GRM8: variants seen among roughly 807,000 people sequenced by gnomAD.
GRM8 encodes the protein glutamate metabotropic receptor 8.
In GRM8, 47 loss-of-function variants were observed where a neutral mutation model predicts 87.2. That is an observed-to-expected ratio of 0.54 (90% CI 0.43 to 0.69). GRM8 has a LOEUF of 0.69. Among genes scored for constraint, GRM8 ranks in the 30% least tolerant of loss-of-function variants. The pLI is 0.00. For synonymous variants in GRM8, 396 were observed against 404.5 expected (o/e 0.98, Z 0.25); for missense variants, 1,019 against 1,139.2 (o/e 0.89, Z 1.52).
intron 3 of GRM8, among the ~76,000 whole-genome samples, chr7:126,908,439 A>G (rs2535939): frequency 6.6e-6 from 1 of 151,916 alleles, no homozygotes; most frequent in African/African-American, 2.4e-5. Context: ...GTAACACTCT[A>G]TAGGGAACAA....
intron 7 of GRM8, among the ~76,000 whole-genome samples, chr7:126,697,411 T>C (rs28571152): frequency 6.6e-6 from 1 of 152,008 alleles, no homozygotes; most frequent in Non-Finnish European, 1.5e-5. Flanking sequence ...CACCAAAAAA[T>C]AAAAAAGAAG....
intron 2 of GRM8, among the ~76,000 whole-genome samples, chr7:127,160,287 G>T (rs534435400): frequency 6.6e-6 from 1 of 152,060 alleles, no homozygotes; most frequent in African/African-American, 2.4e-5. Flanking sequence ...ACCTGCCAAC[G>T]GGACTTGCAG....
chr7:127,080,464 A>G (rs1894731), intron 3 of GRM8, among the ~76,000 whole-genome samples: 43,280 of 152,078 alleles, frequency 0.28, 6,813 homozygotes, highest in African/African-American at 0.42. Context: ...CACATCCCCC[A>G]TCCCCAAGAA....
intron 7 of GRM8, among the ~76,000 whole-genome samples, chr7:126,760,900 T>C (rs990111844): frequency 2.0e-5 from 3 of 152,096 alleles, no homozygotes; most frequent in African/African-American, 7.2e-5. Flanking sequence ...ATTTTCTACT[T>C]ATAAAAGTAG....
intron 7 of GRM8, among the ~76,000 whole-genome samples, chr7:126,636,415 C>T (rs1225815610): frequency 6.6e-6 from 1 of 152,018 alleles, no homozygotes; most frequent in East Asian, 1.9e-4. Flanking sequence ...TTTAAATTAA[C>T]TCTAAATTAC....
At chr7:127,237,573 C>A (rs1330639327) in intron 2 of GRM8, among the ~76,000 whole-genome samples, 1 of 152,190 alleles carries the variant, frequency 6.6e-6, no homozygotes, top group Admixed American at 6.5e-5. Context: ...TCATTGACTT[C>A]ACATGAAGAT....
rs769194 is a variant in GRM8, at chr7:127,243,176, G to C, written c.29C>G (p.Ser10Cys). Residue 10 changes from serine (S) to cysteine (C), a missense_variant, in exon 2 of 11, where the codon TCT becomes TGT. By Grantham distance (112) the Ser-to-Cys change is moderately radical. Transcript: ENST00000339582. Reference protein sequence around the residue: MVCEGKRSASCPCFFLLTAK... With the variant: MVCEGKRSACCPCFFLLTAK... The stretch of plus-strand genomic sequence containing the variant: ...GGTCAAGAGGAAGAAACAAGGGCAA[G>C]AGGCTGATCGCTTTCCCTCGCATAC... 879 of 1,611,230 alleles carry C rather than the reference G, an allele frequency of 5.5e-4. 9 individuals carry two copies. In the Admixed American group the frequency reaches 0.014, roughly 26 times the overall value.
chr7:126,506,851 AC>A lies in GRM8; in HGVS notation c.2430+26100del, dbSNP rs1474576790. Among the ~76,000 whole-genome samples, 5 of 152,196 alleles carry A rather than the reference AC, an allele frequency of 3.3e-5. No homozygotes were observed. In the East Asian group the frequency reaches 9.7e-4, roughly 30 times the overall value. The stretch of plus-strand genomic sequence containing the variant: ...CTCTCTGTGCTTCCTCTGCTAGGCA[AC>A]AGGATATGTATGTAACTGAAAGGCA... On this transcript the variant is annotated intron_variant, in intron 9 of 10. Transcript: ENST00000339582.
intron 8 of GRM8, among the ~76,000 whole-genome samples, chr7:126,542,115 A>G (rs1186829340): frequency 6.6e-6 from 1 of 152,202 alleles, no homozygotes; most frequent in Non-Finnish European, 1.5e-5. Context: ...GAGAAAAACA[A>G]CTATGCCAAC....
At chr7:127,250,587 T>TAA (rs66498216) in intron 1 of GRM8, among the ~76,000 whole-genome samples, 3 of 152,046 alleles carry the variant, frequency 2.0e-5, no homozygotes, top group African/African-American at 7.3e-5. Flanking sequence ...AATTGCATTT[T>TAA]AAAAAACCTT....
rs566440503 is a variant in GRM8 at position 126,503,833 on chromosome 7, G to A, written c.2430+29119C>T. Among the ~76,000 whole-genome samples, 8 of 152,018 alleles carry A rather than the reference G, an allele frequency of 5.3e-5. No homozygotes were observed. The East Asian group carries it at 7.8e-4, about 15-fold the overall frequency. ...AGCAGAAGTGGCATCTATCACTTACGGGCTGAGGCATTCAAGAGCCACTGT... is the reference window on the plus strand; with the variant it reads ...AGCAGAAGTGGCATCTATCACTTACAGGCTGAGGCATTCAAGAGCCACTGT... On this transcript the variant is annotated intron_variant, in intron 9 of 10. Transcript: ENST00000339582.
intron 7 of GRM8, among the ~76,000 whole-genome samples, chr7:126,733,369 T>A (rs1045798172): frequency 2.1e-4 from 32 of 150,380 alleles, no homozygotes; most frequent in Admixed American, 2.0e-4. Context: ...ATTAAATTGA[T>A]AATATAATAA....
Position 126,747,182 on chromosome 7 carries a change from G to C in GRM8, c.1357+22683C>G, listed in dbSNP as rs553846937. 6.2e-4 allele frequency among the ~76,000 whole-genome samples: 94 copies of C among 152,060 alleles called. 1 individual carries two copies. Among genetic ancestry groups the C allele is most frequent in the South Asian group, 5.2e-3 (25 of 4,814 alleles). On this transcript the variant is annotated intron_variant, in intron 7 of 10. Coordinates refer to ENST00000339582, the MANE Select transcript of GRM8 (RefSeq NM_000845.3). ...TACCTTGGAATGCCTGGTTACAAGA[G>C]GATAGCCGTATACATAGACGTTACT... is the stretch of plus-strand genomic sequence containing the variant.
intron 9 of GRM8, among the ~76,000 whole-genome samples, chr7:126,502,869 C>T (rs1161669321): frequency 2.0e-5 from 3 of 151,968 alleles, no homozygotes; most frequent in Non-Finnish European, 4.4e-5. Context: ...TTGAAGGGAC[C>T]TTTCTGTTTC....
At chr7:127,210,146 C>G (rs936108292) in intron 2 of GRM8, among the ~76,000 whole-genome samples, 1 of 152,208 alleles carries the variant, frequency 6.6e-6, no homozygotes, top group African/African-American at 2.4e-5. Context: ...CCTATCAAGA[C>G]AAACCCACAG....
intron 3 of GRM8, among the ~76,000 whole-genome samples, chr7:126,957,034 G>A (rs1053541472): frequency 2.0e-5 from 3 of 152,172 alleles, no homozygotes; most frequent in Non-Finnish European, 2.9e-5. Context: ...ACAGGACCAC[G>A]GTGTGAACAC....
At chr7:126,670,181 C>T (rs1806235188) in intron 7 of GRM8, among the ~76,000 whole-genome samples, 1 of 152,080 alleles carries the variant, frequency 6.6e-6, no homozygotes. Flanking sequence ...GTGCTTTAAA[C>T]ATATTTAACA....
At chr7:127,124,740 G>T (rs2133196507) in intron 2 of GRM8, among the ~76,000 whole-genome samples, 1 of 152,164 alleles carries the variant, frequency 6.6e-6, no homozygotes, top group Non-Finnish European at 1.5e-5. Flanking sequence ...GCACAGACTT[G>T]CGCTTCTGGC....
intron 7 of GRM8, among the ~76,000 whole-genome samples, chr7:126,724,759 CA>C (rs34920309): frequency 0.044 from 5,308 of 121,656 alleles, 238 homozygotes; most frequent in African/African-American, 0.14. Context: ...AAACTATTTG[CA>C]AAAAAAAAAA....
Sources: allele counts gnomAD v4.1 joint callset (sites outside exome capture counted in the v4.1 genomes callset), GRCh38; gene constraint gnomAD v4.1.1; transcripts MANE v1.5; gene names NCBI Gene and HGNC (gene_info 2026-07-23, HGNC 2026-07-21).